The following DLC1 variants were observed in gnomAD, a reference collection of about 807,000 sequenced individuals.
DLC1 encodes the protein rho GTPase-activating protein 7.
In DLC1, 54 loss-of-function variants were observed where a neutral mutation model predicts 140.3. That is an observed-to-expected ratio of 0.38 (90% CI 0.31 to 0.48). The LOEUF is 0.48. Among genes scored for constraint, DLC1 ranks in the 20% least tolerant of loss-of-function variants. The probability of loss-of-function intolerance (pLI) is 0.96; values close to 1 mark genes in which losing one functional copy is unlikely to be tolerated. For synonymous variants in DLC1, 986 were observed against 728.1 expected (o/e 1.35, Z -5.70); for missense variants, 2,536 against 1,907.0 (o/e 1.33, Z -6.14).
intron 2 of DLC1, among the ~76,000 whole-genome samples, chr8:13,448,157 C>T (rs1025887034): frequency 6.6e-6 from 1 of 152,032 alleles, no homozygotes; most frequent in African/African-American, 2.4e-5. Flanking sequence ...GCTGGGAAAG[C>T]GTCTCTCCAG....
At chr8:13,465,211 C>T (rs542237586) in intron 2 of DLC1, among the ~76,000 whole-genome samples, 1 of 152,244 alleles carries the variant, frequency 6.6e-6, no homozygotes, top group Non-Finnish European at 1.5e-5. Context: ...AATTAATATT[C>T]TTGTCCACCT....
chr8:13,258,365 G>A (rs1476843246), intron 5 of DLC1, among the ~76,000 whole-genome samples: 2 of 152,194 alleles, frequency 1.3e-5, no homozygotes, highest in African/African-American at 4.8e-5. Context: ...TTTACTATTT[G>A]TTTAAGAATA....
At chr8:13,567,980 G>T in intron 1 of DLC1, 1 of 1,491,214 alleles carries the variant, frequency 6.7e-7, no homozygotes, top group South Asian at 1.4e-5. Context: ...TTGTGTATTT[G>T]AGTAATTACC....
Position 13,247,217 on chromosome 8 carries a change from C to T in DLC1, c.1348+58052G>A, listed in dbSNP as rs74700411. 3.3e-3 allele frequency among the ~76,000 whole-genome samples: 501 copies of T among 152,276 alleles called. 4 individuals are homozygous for T. The highest frequency in any genetic ancestry group is 0.011 in the African/African-American group (471 of 41,550). ...CAAGTAAAAGTCAGTTCCAGTTGTT[C>T]CATTAGCAGTGAAAACTTCAGACAC... On this transcript the variant is annotated intron_variant, in intron 5 of 17. Transcript: ENST00000276297.
intron 5 of DLC1, among the ~76,000 whole-genome samples, chr8:13,279,969 C>T (rs997915851): frequency 6.6e-6 from 1 of 151,788 alleles, no homozygotes; most frequent in Admixed American, 6.6e-5. Flanking sequence ...TTCAAGATCC[C>T]ACTGGGAATC....
intron 5 of DLC1, among the ~76,000 whole-genome samples, chr8:13,119,099 C>T (rs908695524): frequency 6.6e-6 from 1 of 151,900 alleles, no homozygotes; most frequent in Admixed American, 6.6e-5. Context: ...CATGGTGGCA[C>T]ATGCCTGTTG....
intron 4 of DLC1, chr8:13,338,899 T>C (rs1833918282): frequency 6.6e-6 from 1 of 152,216 alleles, no homozygotes; most frequent in Non-Finnish European, 1.5e-5. Flanking sequence ...ACATCGATAA[T>C]TTTACTTTTG....
intron 5 of DLC1, among the ~76,000 whole-genome samples, chr8:13,137,184 C>G (rs1822628141): frequency 6.6e-6 from 1 of 152,156 alleles, no homozygotes. Flanking sequence ...GGCGCTTTAC[C>G]TCTTAGGGTC....
intron 4 of DLC1, among the ~76,000 whole-genome samples, chr8:13,374,591 T>C (rs1835882563): frequency 6.6e-6 from 1 of 152,184 alleles, no homozygotes; most frequent in African/African-American, 2.4e-5. Flanking sequence ...GAGACCCGCG[T>C]GGCCAACATG....
intron 16 of DLC1, 107 bp downstream of exon 16, chr8:13,088,380 G>T (rs913205593): frequency 1.5e-6 from 2 of 1,301,896 alleles, no homozygotes; most frequent in Non-Finnish European, 2.1e-6. Context: ...CCATATGCCC[G>T]GCCTCTACTT....
In DLC1 at chr8:13,499,545, T is replaced by C; in HGVS notation, c.527A>G (p.Lys176Arg). ...IAGETELALV[K>R]ESGERKVTDS... ...AGTAACTTTTCTCTCCCCACTTTCT[T>C]TTACCAGTGCTAATTCAGTTTCACC... Residue 176 changes from lysine (K) to arginine (R), a missense_variant, in exon 2 of 18, where the codon AAA (lysine) becomes AGA (arginine). Physicochemically the swap from Lys to Arg is conservative, Grantham distance 26. Transcript: ENST00000276297. 6.2e-7 allele frequency: 1 copy of C among 1,614,172 alleles called. No individual in the cohort carries two copies. Among genetic ancestry groups the C allele is most frequent in the South Asian group, 1.1e-5 (1 of 91,086 alleles).
intron 5 of DLC1, among the ~76,000 whole-genome samples, chr8:13,153,933 C>CG (rs1241853207): frequency 6.6e-6 from 1 of 151,612 alleles, no homozygotes; most frequent in Non-Finnish European, 1.5e-5. Flanking sequence ...TAGACAAGAG[C>CG]ACTGATTGGT....
intron 5 of DLC1, chr8:13,304,454 G>A: frequency 6.1e-6 from 1 of 164,564 alleles, no homozygotes; most frequent in South Asian, 2.0e-4. Flanking sequence ...CAAAAATAAG[G>A]TCACTGACAT....
rs113857016 is a variant in DLC1, at chr8:13,436,867, A to G, written c.1024-35248T>C. On this transcript the variant is annotated intron_variant, in intron 2 of 17. Coordinates refer to ENST00000276297, the MANE Select transcript of DLC1 (RefSeq NM_182643.3). The stretch of plus-strand genomic sequence containing the variant: ...TCACACATTTCAGGTCTTAAATATG[A>G]TGCCCTGTCTAATTTGTAGCAATGG... Among the ~76,000 whole-genome samples, 72 of 152,300 alleles carry G rather than the reference A, an allele frequency of 4.7e-4. 2 individuals are homozygous for G. Among genetic ancestry groups the G allele is most frequent in the African/African-American group, 1.7e-3 (72 of 41,576 alleles).
intron 5 of DLC1, among the ~76,000 whole-genome samples, chr8:13,268,450 G>T (rs543481370): frequency 1.3e-5 from 2 of 152,228 alleles, no homozygotes; most frequent in South Asian, 2.1e-4. Flanking sequence ...GAGTAGCTGG[G>T]ACTACAGGCG....
chr8:13,220,520 A>G lies in DLC1; in HGVS notation c.1348+84749T>C, dbSNP rs546021361. Among the ~76,000 whole-genome samples, 173 of 152,296 alleles carry G rather than the reference A, an allele frequency of 1.1e-3. 2 individuals carry two copies. Among genetic ancestry groups the G allele is most frequent in the Admixed American group, 0.011 (170 of 15,292 alleles). ...TGTTCCCCAACTATTAAATTTAACT[A>G]TCAATAAGTAAACACATCAAGTAGA... On this transcript the variant is annotated intron_variant, in intron 5 of 17. Coordinates refer to ENST00000276297, the MANE Select transcript of DLC1 (RefSeq NM_182643.3).
chr8:13,397,011 G>C (rs996175710), intron 3 of DLC1, among the ~76,000 whole-genome samples: 6 of 150,178 alleles, frequency 4.0e-5, no homozygotes, highest in Admixed American at 1.3e-4. Flanking sequence ...CCATCTATCA[G>C]TGTTACCCTA....
intron 2 of DLC1, among the ~76,000 whole-genome samples, chr8:13,452,240 C>T (rs1799099087): frequency 6.6e-6 from 1 of 151,390 alleles, no homozygotes; most frequent in South Asian, 2.1e-4. Flanking sequence ...TTAAAATAAA[C>T]ATGTATAAAA....
chr8:13,295,993 C>T (rs1177255763), intron 5 of DLC1, among the ~76,000 whole-genome samples: 1 of 98,154 alleles, frequency 1.0e-5, no homozygotes, highest in Non-Finnish European at 1.9e-5. Flanking sequence ...CATTCTATTG[C>T]CCAGGCTGGA....
Sources: gnomAD v4.1 joint callset for allele counts (sites outside exome capture counted in the v4.1 genomes callset) on GRCh38, gnomAD v4.1.1 for gene constraint, MANE v1.5 for transcripts, NCBI Gene and HGNC (gene_info 2026-07-23, HGNC 2026-07-21) for gene names.